TRIM9: variants seen among roughly 807,000 people sequenced by gnomAD.
TRIM9 encodes the protein E3 ubiquitin-protein ligase TRIM9.
Under a neutral mutation model 78.3 loss-of-function variants are expected in TRIM9, and 26 were observed. The observed-to-expected ratio is 0.33, with a 90% CI of 0.24 to 0.46. The LOEUF is 0.46. TRIM9 is among the 20% of genes least tolerant of loss of function. TRIM9 has a pLI of 1.00. For synonymous variants in TRIM9, 398 were observed against 416.5 expected (o/e 0.96, Z 0.54); for missense variants, 787 against 1,036.4 (o/e 0.76, Z 3.30).
chr14:50,984,830 C>T (rs141287444), intron 8 of TRIM9, among the ~76,000 whole-genome samples: 26 of 152,256 alleles, frequency 1.7e-4, no homozygotes, highest in African/African-American at 5.5e-4. Context: ...AAGACTGTAA[C>T]GATATTTCAG....
chr14:51,072,310 C>T (rs1272264764), intron 1 of TRIM9, among the ~76,000 whole-genome samples: 1 of 152,048 alleles, frequency 6.6e-6, no homozygotes, highest in East Asian at 1.9e-4. Flanking sequence ...AGCAATTATG[C>T]TTCTATGAAA....
intron 1 of TRIM9, among the ~76,000 whole-genome samples, chr14:51,044,154 A>T (rs1292504677): frequency 6.6e-6 from 1 of 152,206 alleles, no homozygotes; most frequent in Non-Finnish European, 1.5e-5. Flanking sequence ...GAAACATGTA[A>T]GAAGATTTAG....
intron 3 of TRIM9, among the ~76,000 whole-genome samples, chr14:51,013,226 A>ATT (rs72053355): frequency 4.9e-4 from 68 of 140,074 alleles, no homozygotes; most frequent in African/African-American, 7.8e-4. Context: ...GTCTAACTTC[A>ATT]TTTTTTTTTT....
At chr14:51,042,473 T>G (rs2059646721) in intron 1 of TRIM9, among the ~76,000 whole-genome samples, 1 of 152,236 alleles carries the variant, frequency 6.6e-6, no homozygotes, top group Admixed American at 6.5e-5. Flanking sequence ...ATTTCCCTTT[T>G]AAATCTTTTA....
intron 7 of TRIM9, 54 bp from the exon 8 acceptor site, chr14:50,986,198 G>T (rs757163838): frequency 1.5e-6 from 2 of 1,365,942 alleles, no homozygotes; most frequent in Non-Finnish European, 1.9e-6. Context: ...TTATGTCCCC[G>T]TGCACGGTTC....
rs912632094 is a variant in TRIM9 at position 50,976,339 on chromosome 14, T to C, written c.*952A>G. On this transcript the variant is annotated 3_prime_UTR_variant, in exon 13 of 13. Coordinates refer to ENST00000684578, the MANE Select transcript of TRIM9 (RefSeq NM_001387360.1). ...TAGGAAGCCTGAAAGATCTTGCCCA[T>C]GAGTCTCTTTGACCCTTGCCCATTT... 1 of 152,278 alleles carries C rather than the reference T, an allele frequency of 6.6e-6. No homozygotes were observed. Among genetic ancestry groups the C allele is most frequent in the East Asian group, 1.9e-4 (1 of 5,198 alleles). 9.4% of individuals were successfully genotyped at this position (152,278 alleles called of 1,614,324 possible). A position where few individuals can be genotyped will look rare whatever the true frequency, so the allele number is the denominator to read the frequency against.
At chr14:51,021,555 G>A (rs2057762871) in intron 3 of TRIM9, among the ~76,000 whole-genome samples, 1 of 152,142 alleles carries the variant, frequency 6.6e-6, no homozygotes, top group African/African-American at 2.4e-5. Context: ...CCACCTTCAT[G>A]TCCCTGCCTC....
intron 5 of TRIM9, among the ~76,000 whole-genome samples, chr14:51,006,086 A>G (rs556671210): frequency 1.6e-4 from 25 of 152,340 alleles, no homozygotes; most frequent in African/African-American, 6.0e-4. Context: ...ATGTTTGATA[A>G]AATTCTGAGT....
chr14:51,010,297 C>A, intron 4 of TRIM9, 87 bp downstream of exon 4: 2 of 1,045,682 alleles, frequency 1.9e-6, no homozygotes, highest in South Asian at 2.7e-5. Context: ...CAGGCCCACC[C>A]AGGGCTGTTG....
intron 7 of TRIM9, among the ~76,000 whole-genome samples, chr14:50,990,188 T>C (rs569162829): frequency 3.9e-5 from 6 of 152,284 alleles, no homozygotes; most frequent in Non-Finnish European, 7.3e-5. Flanking sequence ...TGGCCAATTT[T>C]AATTTTTTCT....
At chr14:50,982,686 T>C (rs2139314546) in intron 10 of TRIM9, 1 of 490,454 alleles carries the variant, frequency 2.0e-6, no homozygotes, top group South Asian at 3.6e-5. Context: ...GGTTGCTGTC[T>C]GCATAACTTA....
chr14:50,979,308 G>A (rs536780385), intron 12 of TRIM9, 79 bp downstream of exon 12: 7 of 1,610,846 alleles, frequency 4.3e-6, no homozygotes, highest in East Asian at 2.2e-5. Context: ...CCCTCTCTTC[G>A]GTTGGATTGA....
chr14:51,072,158 T>C (rs186113483), intron 1 of TRIM9, among the ~76,000 whole-genome samples: 193 of 152,340 alleles, frequency 1.3e-3, no homozygotes, highest in African/African-American at 4.5e-3. Flanking sequence ...GTTCCAGGAA[T>C]AGCCTCAGTT....
chr14:51,019,287 A>G (rs1566584383), intron 3 of TRIM9, among the ~76,000 whole-genome samples: 2 of 152,240 alleles, frequency 1.3e-5, no homozygotes, highest in Non-Finnish European at 2.9e-5. Context: ...TGGAAGCTCA[A>G]AAACACTTCT....
In TRIM9 at chr14:51,047,636, A is replaced by G. The variant is rs1207107150; in HGVS notation, c.823-22276T>C. The stretch of plus-strand genomic sequence containing the variant: ...TCTGCAGTACAAAGGTAAGTAGGAT[A>G]AGGCAACATACCCAAGGGAGGTATG... On this transcript the variant is annotated intron_variant, in intron 1 of 12. Coordinates refer to ENST00000684578, the MANE Select transcript of TRIM9 (RefSeq NM_001387360.1). Among the ~76,000 whole-genome samples the G allele has an allele frequency of 2.0e-5, 3 of 151,058 alleles. No homozygotes were observed. In the Admixed American group the frequency reaches 2.0e-4, roughly 10 times the overall value.
intron 4 of TRIM9, 65 bp downstream of exon 4, chr14:51,010,319 T>C: frequency 7.3e-7 from 1 of 1,367,180 alleles, no homozygotes; most frequent in East Asian, 2.3e-5. Flanking sequence ...AAGTCTGACT[T>C]AAGCATCCTA....
chr14:51,007,975 AT>A (rs2056055347), intron 5 of TRIM9, among the ~76,000 whole-genome samples: 1 of 152,174 alleles, frequency 6.6e-6, no homozygotes. Context: ...ATACAGGTAG[AT>A]TTTTCTTAAG....
intron 12 of TRIM9, among the ~76,000 whole-genome samples, chr14:50,978,058 A>G (rs1304514213): frequency 6.6e-6 from 1 of 152,096 alleles, no homozygotes; most frequent in African/African-American, 2.4e-5. Context: ...ACTCGCTTCT[A>G]GGGTAATTTA....
At chr14:51,080,699 C>T (rs1469542729) in intron 1 of TRIM9, among the ~76,000 whole-genome samples, 1 of 152,132 alleles carries the variant, frequency 6.6e-6, no homozygotes, top group Non-Finnish European at 1.5e-5. Context: ...ACCTTTTTGA[C>T]ACCTGGAAGT....
Sources: gnomAD v4.1 joint callset for allele counts (sites outside exome capture counted in the v4.1 genomes callset) on GRCh38, gnomAD v4.1.1 for gene constraint, MANE v1.5 for transcripts, NCBI Gene and HGNC (gene_info 2026-07-23, HGNC 2026-07-21) for gene names.